The following ROR1 variants were observed in gnomAD, a reference collection of about 807,000 sequenced individuals.
ROR1 encodes the protein ROR family WNT receptor 1, also known as inactive tyrosine-protein kinase transmembrane receptor ROR1.
In ROR1, 19 loss-of-function variants were observed where a neutral mutation model predicts 78.8. That is an observed-to-expected ratio of 0.24 (90% confidence interval 0.17 to 0.35). ROR1 has a LOEUF of 0.35. ROR1 is among the 10% of genes least tolerant of loss of function. The pLI, the probability that ROR1 is intolerant of heterozygous loss-of-function variation, is 1.00. For synonymous variants in ROR1, 386 were observed against 433.6 expected (o/e 0.89, Z 1.36); for missense variants, 917 against 1,177.8 (o/e 0.78, Z 3.24).
intron 4 of ROR1, among the ~76,000 whole-genome samples, chr1:64,052,946 A>G (rs1408854056): frequency 6.6e-6 from 1 of 152,032 alleles, no homozygotes; most frequent in Non-Finnish European, 1.5e-5. Context: ...TCCTGAGACT[A>G]ACTCCCAGAA....
chr1:64,071,197 A>G (rs1159562185), intron 4 of ROR1, among the ~76,000 whole-genome samples: 1 of 152,176 alleles, frequency 6.6e-6, no homozygotes, highest in African/African-American at 2.4e-5. Context: ...TTTGGGCTTC[A>G]TTCCAAGAGC....
intron 1 of ROR1, among the ~76,000 whole-genome samples, chr1:63,983,206 TC>T (rs1164351361): frequency 1.3e-5 from 2 of 152,124 alleles, no homozygotes; most frequent in Non-Finnish European, 2.9e-5. Flanking sequence ...TTTCTCACTC[TC>T]CCCCTCCGCA....
chr1:64,154,195 T>C, intron 7 of ROR1, among the ~76,000 whole-genome samples: 1 of 152,228 alleles, frequency 6.6e-6, no homozygotes, highest in Non-Finnish European at 1.5e-5. Context: ...ATTTCCATCA[T>C]CAAGTCAAGA....
intron 1 of ROR1, among the ~76,000 whole-genome samples, chr1:63,859,773 G>A (rs1468668232): frequency 6.6e-6 from 1 of 152,182 alleles, no homozygotes; most frequent in Admixed American, 6.5e-5. Flanking sequence ...CTTCAGTGTT[G>A]GATGAGTGTG....
At chr1:64,019,355 G>A (rs1378232639) in intron 2 of ROR1, among the ~76,000 whole-genome samples, 1 of 152,204 alleles carries the variant, frequency 6.6e-6, no homozygotes, top group Non-Finnish European at 1.5e-5. Context: ...GCTAACTCCA[G>A]ATTCTTGAAT....
chr1:64,066,224 CATG>C (rs1351424767), intron 4 of ROR1, among the ~76,000 whole-genome samples: 1 of 152,082 alleles, frequency 6.6e-6, no homozygotes, highest in Non-Finnish European at 1.5e-5. Context: ...TAAAATATAA[CATG>C]ATGAGTGCTG....
intron 1 of ROR1, among the ~76,000 whole-genome samples, chr1:63,821,204 T>C (rs998980761): frequency 6.6e-6 from 1 of 152,180 alleles, no homozygotes; most frequent in Non-Finnish European, 1.5e-5. Flanking sequence ...GCTGTCCTTA[T>C]CCTTATTTCA....
At chr1:63,915,273 T>G (rs1645600452) in intron 1 of ROR1, among the ~76,000 whole-genome samples, 1 of 152,188 alleles carries the variant, frequency 6.6e-6, no homozygotes, top group Non-Finnish European at 1.5e-5. Flanking sequence ...GGAGACCTGG[T>G]CTTTGCTGTT....
chr1:63,887,861 AT>A (rs1279517052), intron 1 of ROR1, among the ~76,000 whole-genome samples: 1 of 152,216 alleles, frequency 6.6e-6, no homozygotes, highest in Non-Finnish European at 1.5e-5. Context: ...GCATACTGTT[AT>A]TGACCACTTC....
chr1:63,828,011 T>A (rs893161847), intron 1 of ROR1, among the ~76,000 whole-genome samples: 6 of 152,234 alleles, frequency 3.9e-5, no homozygotes, highest in Non-Finnish European at 7.3e-5. Context: ...CCCTTATTTA[T>A]ATGTTCAGGA....
intron 4 of ROR1, among the ~76,000 whole-genome samples, chr1:64,086,758 T>G (rs1391239467): frequency 6.6e-6 from 1 of 152,202 alleles, no homozygotes; most frequent in African/African-American, 2.4e-5. Flanking sequence ...TCTTTATTAC[T>G]GTGATCTTAA....
chr1:63,938,098 C>T (rs1321807985), intron 1 of ROR1, among the ~76,000 whole-genome samples: 2 of 152,048 alleles, frequency 1.3e-5, no homozygotes, highest in South Asian at 2.1e-4. Context: ...CTCCCATATC[C>T]GTGGGTTCTG....
In ROR1 at chr1:63,803,490, G is replaced by A. The variant is rs184597709; in HGVS notation, c.91+28982G>A. 7.6e-4 allele frequency among the ~76,000 whole-genome samples: 115 copies of A among 152,098 alleles called. No homozygotes were observed. The East Asian group carries it at 0.019, about 25-fold the overall frequency. Reference sequence around the variant, plus strand: ...TCCTGAGTAGCTGGGACTACAAGGCGTGTGCCACCATGCCCGCCTAATTCT... The same window carrying A: ...TCCTGAGTAGCTGGGACTACAAGGCATGTGCCACCATGCCCGCCTAATTCT... On this transcript the variant is annotated intron_variant, in intron 1 of 8. Transcript: ENST00000371079.
At chr1:64,075,491 T>G (rs1647041909) in intron 4 of ROR1, among the ~76,000 whole-genome samples, 1 of 152,328 alleles carries the variant, frequency 6.6e-6, no homozygotes, top group African/African-American at 2.4e-5. Context: ...GAGTGATAAT[T>G]CATGCTGTAT....
In ROR1 at chr1:63,842,618, C is replaced by T. The variant is rs557398977; in HGVS notation, c.91+68110C>T. Among the ~76,000 whole-genome samples, 16 of 152,164 alleles carry T rather than the reference C, an allele frequency of 1.1e-4. No individual in the cohort carries two copies. The South Asian group carries it at 2.1e-3, about 20-fold the overall frequency. The stretch of plus-strand genomic sequence containing the variant: ...GCTTTGCTCACAAGATGTGCAGAAA[C>T]GGAAGGGACTCATGGAGAATGTCTC... On this transcript the variant is annotated intron_variant, in intron 1 of 8. Coordinates refer to ENST00000371079, the MANE Select transcript of ROR1 (RefSeq NM_005012.4).
At chr1:63,852,339 G>T (rs1004108231) in intron 1 of ROR1, among the ~76,000 whole-genome samples, 8 of 152,190 alleles carry the variant, frequency 5.3e-5, no homozygotes, top group Non-Finnish European at 1.0e-4. Flanking sequence ...GCAGCCCCCT[G>T]CAACTTTCCT....
chr1:64,002,444 G>A (rs1646392950), intron 1 of ROR1, among the ~76,000 whole-genome samples: 1 of 152,076 alleles, frequency 6.6e-6, no homozygotes, highest in African/African-American at 2.4e-5. Flanking sequence ...TTTTTCATCC[G>A]AGTTCTTACA....
intron 2 of ROR1, among the ~76,000 whole-genome samples, chr1:64,026,062 G>A (rs1646606957): frequency 6.6e-6 from 1 of 152,062 alleles, no homozygotes; most frequent in South Asian, 2.1e-4. Context: ...TTTCTTAAGT[G>A]ACATTACACA....
chr1:63,881,955 T>C (rs1395216617), intron 1 of ROR1, among the ~76,000 whole-genome samples: 1 of 152,180 alleles, frequency 6.6e-6, no homozygotes, highest in Non-Finnish European at 1.5e-5. Flanking sequence ...ACCCATTTTC[T>C]GTACCTAGTC....
Sources: allele counts gnomAD v4.1 joint callset (sites outside exome capture counted in the v4.1 genomes callset), GRCh38; gene constraint gnomAD v4.1.1; transcripts MANE v1.5; gene names NCBI Gene and HGNC (gene_info 2026-07-23, HGNC 2026-07-21).